NCAPG2: variants seen among roughly 807,000 people sequenced by gnomAD.
NCAPG2 encodes the protein condensin-2 complex subunit G2.
A neutral mutation model predicts 141.1 loss-of-function variants in NCAPG2; 53 were observed. The observed-to-expected ratio is 0.38, with a 90% CI of 0.30 to 0.47. NCAPG2 has a LOEUF of 0.47. NCAPG2 is among the 20% of genes least tolerant of loss of function. The probability of loss-of-function intolerance (pLI) is 0.99; values close to 1 mark genes in which losing one functional copy is unlikely to be tolerated. For synonymous variants in NCAPG2, 499 were observed against 490.7 expected, an observed-to-expected ratio of 1.02 and a Z score of -0.22; for missense variants, 1,087 against 1,389.0, an observed-to-expected ratio of 0.78 and a Z score of 3.46.
chr7:158,666,130 G>A (rs1208133637), intron 13 of NCAPG2, among the ~76,000 whole-genome samples: 4 of 152,160 alleles, frequency 2.6e-5, no homozygotes, highest in African/African-American at 9.7e-5. Context: ...GGAAATTAAG[G>A]GACTGGAGAT....
At chr7:158,704,158 G>A (rs1835998408) in intron 1 of NCAPG2, among the ~76,000 whole-genome samples, 1 of 147,578 alleles carries the variant, frequency 6.8e-6, no homozygotes, top group Non-Finnish European at 1.5e-5. Flanking sequence ...CCAGGACTGA[G>A]GGGGTCGCTC....
chr7:158,637,574 G>A (rs1052127754), intron 27 of NCAPG2, among the ~76,000 whole-genome samples: 6 of 152,358 alleles, frequency 3.9e-5, no homozygotes, highest in Non-Finnish European at 5.9e-5. Flanking sequence ...TTCCAGCTCC[G>A]GCTCCAGCAG....
rs773155502 is a variant in NCAPG2 at position 158,686,225 on chromosome 7, T to C, written c.784A>G (p.Ile262Val). 13 of 1,572,794 alleles carry C rather than the reference T, an allele frequency of 8.3e-6. No homozygotes were observed. In the South Asian group the frequency reaches 1.3e-4, roughly 16 times the overall value. The change falls in exon 8 of 28, where the codon ATT becomes GTT. Residue 262 changes from isoleucine to valine, a missense_variant. Coordinates refer to ENST00000356309, the MANE Select transcript of NCAPG2 (RefSeq NM_017760.7). ...CAAGCTCTGAAATAAATTTCTGCAA[T>C]GTATACCATCAAAGACCTATATAAA... ...QGLQKSLMVY[I>V]AEIYFRAWKK...
At chr7:158,636,435 C>A (rs918964296) in intron 27 of NCAPG2, among the ~76,000 whole-genome samples, 1 of 139,554 alleles carries the variant, frequency 7.2e-6, no homozygotes, top group Non-Finnish European at 1.5e-5. Context: ...GAGTTTCACT[C>A]TTAATGCCCA....
Position 158,690,697 on chromosome 7 carries a change from A to G in NCAPG2, c.408T>C (p.Ser136=). The part of the protein sequence containing the change: ...LNGILYALPE[S]ERKLQSSIQD... The stretch of plus-strand genomic sequence containing the variant: ...GAATAGAACTCTGTAGTTTTCGTTC[A>G]GACTCAGGTAATGCATATAAAATAC... Residue 136 remains serine (S), a synonymous_variant, in exon 5 of 28, where the codon TCT becomes TCC. Coordinates refer to ENST00000356309, the MANE Select transcript of NCAPG2 (RefSeq NM_017760.7). 6.2e-7 allele frequency: 1 copy of G among 1,614,150 alleles called. No homozygotes were observed.
rs117341585 is a variant in NCAPG2 at position 158,637,694 on chromosome 7, T to C, written c.3381-5977A>G. The stretch of plus-strand genomic sequence containing the variant: ...AAGGCCGCTAACAATTTCTTCCACG[T>C]AGGAAGCCAGGTCTCCCTGTCCGGG... On this transcript the variant is annotated intron_variant, in intron 27 of 27. Coordinates refer to ENST00000356309, the MANE Select transcript of NCAPG2 (RefSeq NM_017760.7). 4.6e-3 allele frequency among the ~76,000 whole-genome samples: 701 copies of C among 152,318 alleles called. 42 individuals are homozygous for C. The East Asian group carries it at 0.12, about 26-fold the overall frequency.
At chr7:158,654,468 TGGGA>T in intron 22 of NCAPG2, 123 bp downstream of exon 22, 1 of 916,578 alleles carries the variant, frequency 1.1e-6, no homozygotes, top group African/African-American at 1.7e-5. Flanking sequence ...ATCCCTTTTT[TGGGA>T]TATGCCAGGT....
intron 11 of NCAPG2, among the ~76,000 whole-genome samples, chr7:158,678,128 C>A (rs1834213311): frequency 1.3e-5 from 2 of 151,360 alleles, no homozygotes; most frequent in Non-Finnish European, 2.9e-5. Context: ...AAAAAAGGTT[C>A]TCCATATTAC....
At chr7:158,667,317 CTGTGTCCCTCCGCTA>C in intron 13 of NCAPG2, 1 of 118,276 alleles carries the variant, frequency 8.5e-6, no homozygotes, top group Non-Finnish European at 1.1e-5. Context: ...TTAGCCGCTA[CTGTGTCCCTCCGCTA>C]CTGTGTCCCT....
Position 158,650,954 on chromosome 7 carries a change from T to C in NCAPG2, c.2953A>G (p.Arg985Gly). 6.2e-7 allele frequency: 1 copy of C among 1,607,656 alleles called. No homozygotes were observed. The highest frequency in any genetic ancestry group is 8.5e-7 in the Non-Finnish European group (1 of 1,178,212). ...GCAGTAATGAACTCATGAAGAGGCC[T>C]CTGAACAGAATAAAGCAGCTACAAG... Reference protein sequence around the residue: ...EGLRLLYSVQRPLHEFITAVQ... With the variant: ...EGLRLLYSVQGPLHEFITAVQ... Residue 985 changes from arginine (R) to glycine (G), a missense_variant, in exon 24 of 28, where the codon AGG becomes GGG. By Grantham distance (125) the Arg-to-Gly change is moderately radical. Coordinates refer to ENST00000356309, the MANE Select transcript of NCAPG2 (RefSeq NM_017760.7).
In NCAPG2 at chr7:158,635,483, G is replaced by A. The variant is rs565150262; in HGVS notation, c.3381-3766C>T. Among the ~76,000 whole-genome samples the A allele has an allele frequency of 6.6e-5, 10 of 152,250 alleles. No individual in the cohort carries two copies. In the South Asian group the frequency reaches 1.5e-3, roughly 22 times the overall value. On this transcript the variant is annotated intron_variant, in intron 27 of 27. Transcript: ENST00000356309. ...AATATGATTAGTGGGGAAAATTCAT[G>A]AGGTAACACAAACCTTAAGAAATAT...
intron 27 of NCAPG2, among the ~76,000 whole-genome samples, chr7:158,634,805 C>T (rs1830085333): frequency 6.6e-6 from 1 of 152,134 alleles, no homozygotes. Flanking sequence ...GAATTGAACA[C>T]ACTATGTAAA....
At chr7:158,701,671 G>A in intron 2 of NCAPG2, 151 bp downstream of exon 2, 1 of 695,134 alleles carries the variant, frequency 1.4e-6, no homozygotes, top group Non-Finnish European at 2.4e-6. Context: ...GTAGATTTGA[G>A]TATAAAGGGT....
At chr7:158,692,443 A>G (rs1038253635) in intron 4 of NCAPG2, among the ~76,000 whole-genome samples, 8 of 152,236 alleles carry the variant, frequency 5.3e-5, no homozygotes, top group Admixed American at 4.6e-4. Context: ...AAATTCAACA[A>G]TGCTCATGAA....
At chr7:158,639,202 G>A (rs1443093012) in intron 27 of NCAPG2, among the ~76,000 whole-genome samples, 1 of 151,938 alleles carries the variant, frequency 6.6e-6, no homozygotes, top group Non-Finnish European at 1.5e-5. Context: ...CAACCTCCTG[G>A]GCTCAAGTGA....
chr7:158,631,573 G>C lies in NCAPG2; in HGVS notation c.*93C>G. ...AATCCCACCCTTTCCCTATTATATG[G>C]GTTATTAACATTAAAAACAATAGGA... On this transcript the variant is annotated 3_prime_UTR_variant, in exon 28 of 28. Coordinates refer to ENST00000356309, the MANE Select transcript of NCAPG2 (RefSeq NM_017760.7). The C allele has an allele frequency of 8.5e-7, 1 of 1,178,280 alleles. No homozygotes were observed. The highest frequency in any genetic ancestry group is 1.3e-6 in the Non-Finnish European group (1 of 792,970). 73.0% of individuals were successfully genotyped at this position (1,178,280 alleles called of 1,614,324 possible).
intron 11 of NCAPG2, among the ~76,000 whole-genome samples, chr7:158,678,920 G>T (rs1383974215): frequency 2.6e-5 from 4 of 152,094 alleles, no homozygotes; most frequent in Admixed American, 2.6e-4. Context: ...GTGTGATCAT[G>T]GCTCACTGTA....
chr7:158,697,129 T>A (rs4909264), intron 2 of NCAPG2, among the ~76,000 whole-genome samples: 134,618 of 152,226 alleles, frequency 0.88, 59,597 homozygotes, highest in Admixed American at 0.93. Flanking sequence ...GAGAAATTCC[T>A]GAAGGCAATG....
intron 15 of NCAPG2, among the ~76,000 whole-genome samples, chr7:158,662,988 T>C (rs528122011): frequency 1.3e-4 from 20 of 152,356 alleles, no homozygotes; most frequent in African/African-American, 4.3e-4. Flanking sequence ...TGCACAGTAC[T>C]CACCTGTTCA....
Sources: gnomAD v4.1 joint callset for allele counts (sites outside exome capture counted in the v4.1 genomes callset) on GRCh38, gnomAD v4.1.1 for gene constraint, MANE v1.5 for transcripts, NCBI Gene and HGNC (gene_info 2026-07-23, HGNC 2026-07-21) for gene names.